SPACA3: variants seen among roughly 807,000 people sequenced by gnomAD.
The protein encoded by SPACA3 is sperm acrosome associated 3, also known as sperm acrosome membrane-associated protein 3.
A neutral mutation model predicts 24.5 loss-of-function variants in SPACA3; 21 were observed. That is an observed-to-expected ratio of 0.86 (90% confidence interval 0.61 to 1.24). The LOEUF (loss-of-function observed/expected upper bound fraction) is 1.24. Among genes scored for constraint, SPACA3 ranks in the 50% most tolerant of loss-of-function variants. The pLI is 0.00. For synonymous variants in SPACA3, 115 were observed against 106.9 expected (o/e 1.08, Z -0.47); for missense variants, 278 against 275.5 (o/e 1.01, Z -0.06).
chr17:32,993,995 G>A (rs750197224), intron 1 of SPACA3, among the ~76,000 whole-genome samples: 6 of 152,108 alleles, frequency 3.9e-5, no homozygotes, highest in Non-Finnish European at 5.9e-5. Flanking sequence ...GGCTACTGAT[G>A]AGTTTGCAAG....
At chr17:32,994,111 C>G (rs138256504) in intron 1 of SPACA3, among the ~76,000 whole-genome samples, 1 of 152,076 alleles carries the variant, frequency 6.6e-6, no homozygotes, top group African/African-American at 2.4e-5. Context: ...AGGGGTGGGA[C>G]AGCGTGGCGT....
rs571260144 is a variant in SPACA3 at position 32,995,314 on chromosome 17, G to C, written c.35-95G>C. The C allele has an allele frequency of 8.9e-6, 11 of 1,230,578 alleles. No individual in the cohort carries two copies. In the African/African-American group the frequency reaches 1.5e-4, roughly 17 times the overall value. 76.2% of individuals were successfully genotyped at this position (1,230,578 alleles called of 1,614,324 possible). A position where few individuals can be genotyped will look rare whatever the true frequency, so the allele number is the denominator to read the frequency against. ...GGGAAGGAGAGGGGCTGGTCTCGGG[G>C]TCAGGGTGATGCTGATCAGGAATGC... On this transcript the variant is annotated intron_variant, in intron 1 of 4. Coordinates refer to ENST00000269053, the MANE Select transcript of SPACA3 (RefSeq NM_173847.5).
chr17:32,995,515 C>T lies in SPACA3; in HGVS notation c.141C>T (p.Ser47=). 1.9e-6 allele frequency: 3 copies of T among 1,614,196 alleles called. No homozygotes were observed. Among genetic ancestry groups the T allele is most frequent in the South Asian group, 2.2e-5 (2 of 91,076 alleles). Residue 47 remains serine, a synonymous_variant, in exon 2 of 5, where the codon TCC becomes TCT. Transcript: ENST00000269053. ...SSALSQSGGG[S]TSAAGIEARS... is the part of the protein sequence containing the mutation. ...CTCTGAGCCAGAGTGGTGGTGGCTCCACCTCTGCCGCCGGCATAGAAGCCA... is the reference window on the plus strand; with the variant it reads ...CTCTGAGCCAGAGTGGTGGTGGCTCTACCTCTGCCGCCGGCATAGAAGCCA...
chr17:32,997,019 C>T lies in SPACA3; in HGVS notation c.502+18C>T. ...CTGCTCAGGTAGCTGGGCCTGGGCC[C>T]AGGGCTGGCAGGAGTCAGGCCCTGC... On this transcript the variant is annotated intron_variant, in intron 3 of 4. Transcript: ENST00000269053. 6.7e-7 allele frequency: 1 copy of T among 1,493,770 alleles called. No homozygotes were observed. Among genetic ancestry groups the T allele is most frequent in the Non-Finnish European group, 8.9e-7 (1 of 1,120,454 alleles). 92.5% of individuals were successfully genotyped at this position (1,493,770 alleles called of 1,614,324 possible).
rs1202802384 is a variant in SPACA3 at position 32,991,982 on chromosome 17, C to A, written c.34+10C>A. On this transcript the variant is annotated intron_variant, in intron 1 of 4. Transcript: ENST00000269053. ...GGAGCACCCCTGATCAGTGAGCCCC[C>A]TTTCCCTTCTTCCTGGGGCTGTTAA... 2 of 1,613,672 alleles carry A rather than the reference C, an allele frequency of 1.2e-6. No individual in the cohort carries two copies. Among genetic ancestry groups the A allele is most frequent in the South Asian group, 2.2e-5 (2 of 91,006 alleles).
In SPACA3 at chr17:32,995,671, A is replaced by G. The variant is rs2091717656; in HGVS notation, c.297A>G (p.Leu99=). The G allele has an allele frequency of 1.2e-6, 2 of 1,614,124 alleles. No homozygotes were observed. The highest frequency in any genetic ancestry group is 1.3e-5 in the African/African-American group (1 of 74,952). Residue 99 remains leucine (L), a synonymous_variant, in exon 2 of 5, where the codon CTA becomes CTG. Coordinates refer to ENST00000269053, the MANE Select transcript of SPACA3 (RefSeq NM_173847.5). ...LYGRCELARV[L]HDFGLDGYRG... ...GTCGTTGTGAACTGGCCAGAGTGCT[A>G]CATGACTTCGGGCTGGACGGATACC... is the stretch of plus-strand genomic sequence containing the variant.
intron 2 of SPACA3, 59 bp from the exon 3 acceptor site, chr17:32,996,784 C>T (rs756828142): frequency 6.9e-5 from 100 of 1,439,056 alleles, no homozygotes; most frequent in Non-Finnish European, 9.0e-5. Context: ...GCAGTGAGCA[C>T]CCTGGTCTGG....
intron 1 of SPACA3, among the ~76,000 whole-genome samples, chr17:32,993,889 G>T (rs550006211): frequency 5.3e-5 from 8 of 152,168 alleles, no homozygotes; most frequent in African/African-American, 1.7e-4. Flanking sequence ...GCTTGGTGAT[G>T]GGAAGGACAA....
chr17:32,995,774 C>A, intron 2 of SPACA3, 57 bp downstream of exon 2: 1 of 1,551,528 alleles, frequency 6.4e-7, no homozygotes, highest in Non-Finnish European at 8.8e-7. Context: ...TCCCTCTTTC[C>A]CTCCCTCTCT....
At position 32,992,070 on chromosome 17, in the gene SPACA3, G is replaced by C. The variant is rs1054828752; in HGVS notation, c.34+98G>C. On this transcript the variant is annotated intron_variant, in intron 1 of 4. Transcript: ENST00000269053. The stretch of plus-strand genomic sequence containing the variant: ...AGAAAAACAAGGTGGTGGTTAGGGT[G>C]GGGTTATCCTGGCCTGGAAGAGTGA... 279 of 1,341,148 alleles carry C rather than the reference G, an allele frequency of 2.1e-4. 1 individual carries two copies. Among genetic ancestry groups the C allele is most frequent in the Non-Finnish European group, 2.8e-4 (270 of 964,044 alleles). The allele number at this position is 1,341,148 out of a possible 1,614,324, so 83.1% of individuals were successfully genotyped here. A position where few individuals can be genotyped will look rare whatever the true frequency, so the allele number is the denominator to read the frequency against.
At chr17:32,995,351 T>C (rs1209158530) in intron 1 of SPACA3, 58 bp from the exon 2 acceptor site, 94 of 1,498,482 alleles carry the variant, frequency 6.3e-5, no homozygotes, top group Admixed American at 7.9e-5. Flanking sequence ...AGGGGGCTGA[T>C]ACGTGCTGCT....
intron 3 of SPACA3, 127 bp from the exon 4 acceptor site, chr17:32,997,312 AGTGTGT>A (rs376224282): frequency 4.9e-4 from 250 of 511,422 alleles, no homozygotes; most frequent in East Asian, 1.4e-3. Context: ...AGGCGAGTGG[AGTGTGT>A]GTGTGTGTGT....
In SPACA3 at chr17:32,993,002, G is replaced by C. The variant is rs1225058198; in HGVS notation, c.34+1030G>C. The C allele has an allele frequency of 1.5e-5, 7 of 469,120 alleles. No homozygotes were observed. The East Asian group carries it at 4.9e-4, about 33-fold the overall frequency. 29.1% of individuals were successfully genotyped at this position (469,120 alleles called of 1,614,324 possible). A position where few individuals can be genotyped will look rare whatever the true frequency, so the allele number is the denominator to read the frequency against. Reference sequence around the variant, plus strand: ...AGAAGACCATGAAGGAAGCCAGGATGGAGGTGTGAACCTAGGAAAGGACGG... The same window carrying C: ...AGAAGACCATGAAGGAAGCCAGGATCGAGGTGTGAACCTAGGAAAGGACGG... On this transcript the variant is annotated intron_variant, in intron 1 of 4. Coordinates refer to ENST00000269053, the MANE Select transcript of SPACA3 (RefSeq NM_173847.5).
At chr17:32,993,557 G>A (rs12326013) in intron 1 of SPACA3, among the ~76,000 whole-genome samples, 11,880 of 152,138 alleles carry the variant, frequency 0.078, 1,578 homozygotes, top group African/African-American at 0.27. Flanking sequence ...GGTGGCGGAC[G>A]GCATGAGTAC....
intron 1 of SPACA3, among the ~76,000 whole-genome samples, chr17:32,992,415 G>A (rs1196585873): frequency 6.6e-6 from 1 of 152,146 alleles, no homozygotes; most frequent in Non-Finnish European, 1.5e-5. Flanking sequence ...GTGAGAAGAA[G>A]GTCTCATGTC....
At chr17:32,995,332 A>C (rs1313036438) in intron 1 of SPACA3, 77 bp from the exon 2 acceptor site, 1 of 1,382,032 alleles carries the variant, frequency 7.2e-7, no homozygotes, top group African/African-American at 1.4e-5. Context: ...GATGCTGATC[A>C]GGAATGCAAG....
intron 1 of SPACA3, chr17:32,992,991 G>A (rs1039006890): frequency 4.3e-6 from 2 of 470,028 alleles, no homozygotes; most frequent in African/African-American, 4.0e-5. Flanking sequence ...GACCATGAAG[G>A]AAGCCAGGAT....
intron 1 of SPACA3, 34 bp downstream of exon 1, chr17:32,992,006 A>C (rs2188953): frequency 0.66 from 1,064,661 of 1,609,194 alleles, 354,248 homozygotes; most frequent in Middle Eastern, 0.76. Context: ...TGGGGCTGTT[A>C]ACAGGGGCGC....
intron 1 of SPACA3, chr17:32,992,794 T>A (rs768886135): frequency 1.6e-5 from 7 of 436,194 alleles, no homozygotes; most frequent in Non-Finnish European, 3.3e-5. Flanking sequence ...AAACATAACG[T>A]GTGAATGAGG....
Sources: allele counts gnomAD v4.1 joint callset (sites outside exome capture counted in the v4.1 genomes callset), GRCh38; gene constraint gnomAD v4.1.1; transcripts MANE v1.5; gene names NCBI Gene and HGNC (gene_info 2026-07-23, HGNC 2026-07-21).